The following FGF14 variants were observed in gnomAD, a reference collection of about 807,000 sequenced individuals.
The protein encoded by FGF14 is fibroblast growth factor homologous factor 4.
A neutral mutation model predicts 25.5 loss-of-function variants in FGF14; 5 were observed. The observed-to-expected ratio is 0.20, with a 90% CI of 0.10 to 0.41. The LOEUF is 0.41. FGF14 is among the 10% of genes least tolerant of loss of function. The pLI, the probability that FGF14 is intolerant of heterozygous loss-of-function variation, is 1.00. For missense variants in FGF14, 222 were observed against 320.1 expected (o/e 0.69, Z 2.34); for synonymous variants, 138 against 118.3 (o/e 1.17, Z -1.08).
chr13:101,713,592 G>T lies in FGF14; in HGVS notation c.*9239C>A, dbSNP rs1252792135. ...GCTGTCGTTGAGGCAGTTTTTCCAT[G>T]TAAGGGTTTTTAGTCTGTCATGGAA... On this transcript the variant is annotated 3_prime_UTR_variant, in exon 5 of 5. Coordinates refer to ENST00000376143, the MANE Select transcript of FGF14 (RefSeq NM_004115.4). 1 of 152,150 alleles carries T rather than the reference G, an allele frequency of 6.6e-6. No homozygotes were observed. The highest frequency in any genetic ancestry group is 2.4e-5 in the African/African-American group (1 of 41,454). 9.4% of individuals were successfully genotyped at this position (152,150 alleles called of 1,614,324 possible).
intron 1 of FGF14, among the ~76,000 whole-genome samples, chr13:102,061,823 G>A (rs1336344427): frequency 6.6e-6 from 1 of 152,146 alleles, no homozygotes; most frequent in Non-Finnish European, 1.5e-5. Context: ...TAGGGCACAC[G>A]GAGAGATCAC....
At chr13:102,279,090 C>T (rs928892509) in intron 1 of FGF14, among the ~76,000 whole-genome samples, 4 of 152,092 alleles carry the variant, frequency 2.6e-5, no homozygotes, top group African/African-American at 9.7e-5. Context: ...GAAAACTGGA[C>T]AAATTAAAAA....
rs1566804296 is a variant in FGF14 at position 101,713,406 on chromosome 13, CTT to C, written c.*9423_*9424del. ...GTTTTGTTAAATATGTCAAAATACTCTTTTCAACTGCACATTTTTTCAACGTG... is the reference window on the plus strand; with the variant it reads ...GTTTTGTTAAATATGTCAAAATACTCTTCAACTGCACATTTTTTCAACGTG... On this transcript the variant is annotated 3_prime_UTR_variant, in exon 5 of 5. Coordinates refer to ENST00000376143, the MANE Select transcript of FGF14 (RefSeq NM_004115.4). 1 of 152,098 alleles carries C rather than the reference CTT, an allele frequency of 6.6e-6. No homozygotes were observed. The highest frequency in any genetic ancestry group is 2.4e-5 in the African/African-American group (1 of 41,420). The allele number at this position is 152,098 out of a possible 1,614,324, so 9.4% of individuals were successfully genotyped here.
upstream of FGF14, among the ~76,000 whole-genome samples, chr13:101,919,579 C>T (rs188206843): frequency 6.6e-3 from 997 of 151,880 alleles, 10 homozygotes; most frequent in African/African-American, 0.022. Context: ...CTCTCAGAGC[C>T]CTCCCTTCGT....
chr13:101,935,934 G>A (rs1594770386), intron 1 of FGF14, among the ~76,000 whole-genome samples: 1 of 152,150 alleles, frequency 6.6e-6, no homozygotes, highest in Admixed American at 6.5e-5. Context: ...TTTAAACATA[G>A]TATGAAATCC....
chr13:102,402,094 G>GA (rs1378843492), upstream of FGF14: 175 of 171,924 alleles, frequency 1.0e-3, 1 homozygote, highest in Middle Eastern at 2.9e-3. Context: ...GAAAAAAAAA[G>GA]AAAAAAAAAC....
intron 1 of FGF14, among the ~76,000 whole-genome samples, chr13:101,973,405 C>T (rs558463007): frequency 2.6e-5 from 4 of 152,206 alleles, no homozygotes; most frequent in South Asian, 4.2e-4. Context: ...AATTATTTTA[C>T]TTTCCCTTTT....
At chr13:102,325,068 C>T (rs1226552648) in intron 1 of FGF14, among the ~76,000 whole-genome samples, 1 of 151,876 alleles carries the variant, frequency 6.6e-6, no homozygotes, top group East Asian at 1.9e-4. Context: ...AAGATCCTTG[C>T]AATCATAGCA....
chr13:102,364,739 G>T (rs561424836), intron 1 of FGF14, among the ~76,000 whole-genome samples: 1 of 152,134 alleles, frequency 6.6e-6, no homozygotes, highest in Non-Finnish European at 1.5e-5. Flanking sequence ...CCACAGCACC[G>T]CAGCCAGTGG....
intron 1 of FGF14, among the ~76,000 whole-genome samples, chr13:101,997,072 C>T (rs568143462): frequency 6.6e-6 from 1 of 152,330 alleles, no homozygotes; most frequent in African/African-American, 2.4e-5. Flanking sequence ...CTCAGCCGGG[C>T]ACTCTTTTAC....
intron 1 of FGF14, among the ~76,000 whole-genome samples, chr13:101,931,779 G>A (rs1191149435): frequency 2.6e-5 from 4 of 152,196 alleles, no homozygotes; most frequent in South Asian, 4.2e-4. Flanking sequence ...CAGCGGATCT[G>A]TACCTCGCAA....
chr13:102,031,530 T>G (rs746622621), intron 1 of FGF14, among the ~76,000 whole-genome samples: 1 of 152,102 alleles, frequency 6.6e-6, no homozygotes, highest in Non-Finnish European at 1.5e-5. Flanking sequence ...TTAGTTAAAT[T>G]TGAAACATTC....
At chr13:101,968,638 A>C (rs1412923407) in intron 1 of FGF14, among the ~76,000 whole-genome samples, 1 of 144,514 alleles carries the variant, frequency 6.9e-6, no homozygotes, top group Non-Finnish European at 1.5e-5. Flanking sequence ...GTGCCACTGC[A>C]ATCCAGCCTG....
intron 1 of FGF14, among the ~76,000 whole-genome samples, chr13:102,158,539 G>T (rs899531135): frequency 1.3e-5 from 2 of 150,880 alleles, no homozygotes; most frequent in South Asian, 4.3e-4. Flanking sequence ...GGTAGCGGGG[G>T]GGGGATACAT....
intron 1 of FGF14, among the ~76,000 whole-genome samples, chr13:101,959,717 A>G (rs17687732): frequency 1.3e-5 from 2 of 152,070 alleles, no homozygotes; most frequent in East Asian, 3.9e-4. Flanking sequence ...TGTTTTGTTC[A>G]TACTCTATTT....
At chr13:101,857,703 C>T (rs866283695) in intron 3 of FGF14, among the ~76,000 whole-genome samples, 6 of 151,994 alleles carry the variant, frequency 3.9e-5, no homozygotes, top group African/African-American at 1.2e-4. Context: ...ACTGCATCTG[C>T]GTCTATCTTT....
At chr13:101,948,217 T>C (rs2035933556) in intron 1 of FGF14, among the ~76,000 whole-genome samples, 2 of 152,216 alleles carry the variant, frequency 1.3e-5, no homozygotes, top group African/African-American at 4.8e-5. Context: ...TTTTGGAGTT[T>C]ATTTTTTATT....
upstream of FGF14, among the ~76,000 whole-genome samples, chr13:101,920,565 G>A (rs920763494): frequency 6.6e-6 from 1 of 152,134 alleles, no homozygotes; most frequent in Non-Finnish European, 1.5e-5. Flanking sequence ...TGACAGCTAT[G>A]ACTGTATTAT....
chr13:101,817,247 C>T (rs2041889581), intron 3 of FGF14, among the ~76,000 whole-genome samples: 1 of 152,130 alleles, frequency 6.6e-6, no homozygotes. Flanking sequence ...ATAATCATTG[C>T]TTAAGAAATG....
Sources: gnomAD v4.1 joint callset for allele counts (sites outside exome capture counted in the v4.1 genomes callset) on GRCh38, gnomAD v4.1.1 for gene constraint, MANE v1.5 for transcripts, NCBI Gene and HGNC (gene_info 2026-07-23, HGNC 2026-07-21) for gene names.